The following GRIK1 variants were observed in gnomAD, a reference collection of about 807,000 sequenced individuals.
The protein encoded by GRIK1 is glutamate receptor ionotropic, kainate 1.
A neutral mutation model predicts 105.7 loss-of-function variants in GRIK1; 69 were observed. The ratio of observed to expected loss-of-function variants is 0.65; its 90% CI spans 0.54 to 0.80. GRIK1 has a LOEUF of 0.80. Among genes scored for constraint, GRIK1 ranks in the 30% least tolerant of loss-of-function variants. GRIK1 has a pLI of 0.00. For missense variants in GRIK1, 1,109 were observed against 1,167.3 expected (o/e 0.95, Z 0.73); for synonymous variants, 438 against 431.3 (o/e 1.02, Z -0.19).
intron 1 of GRIK1, among the ~76,000 whole-genome samples, chr21:29,843,625 G>T (rs560801415): frequency 6.6e-6 from 1 of 152,134 alleles, no homozygotes; most frequent in Non-Finnish European, 1.5e-5. Flanking sequence ...TTAGAATTTT[G>T]GTTTCTGTTG....
intron 1 of GRIK1, among the ~76,000 whole-genome samples, chr21:29,757,769 C>A (rs945823320): frequency 9.2e-5 from 14 of 152,136 alleles, no homozygotes; most frequent in African/African-American, 3.1e-4. Flanking sequence ...GGAAGACAGT[C>A]CTATGTTTTT....
intron 9 of GRIK1, among the ~76,000 whole-genome samples, chr21:29,593,479 G>A (rs553119481): frequency 2.0e-5 from 3 of 152,184 alleles, no homozygotes; most frequent in Admixed American, 2.0e-4. Flanking sequence ...TTGCTTCTAG[G>A]AAATGTAACT....
intron 7 of GRIK1, among the ~76,000 whole-genome samples, chr21:29,637,834 C>T (rs867986758): frequency 6.6e-6 from 1 of 152,198 alleles, no homozygotes; most frequent in African/African-American, 2.4e-5. Flanking sequence ...TGTCTTTTCA[C>T]CTTTCTTGAA....
intron 16 of GRIK1, among the ~76,000 whole-genome samples, chr21:29,547,531 A>G (rs1037492624): frequency 6.6e-6 from 1 of 152,206 alleles, no homozygotes; most frequent in Non-Finnish European, 1.5e-5. Context: ...GGGAAGTAAA[A>G]TGACTTGCCC....
rs573131901 is a variant in GRIK1 at position 29,923,408 on chromosome 21, A to G, written c.118+15975T>C. On this transcript the variant is annotated intron_variant, in intron 1 of 17. Transcript: ENST00000327783. ...GTAATAATAAACATGAAGTAGAAGG[A>G]AGCTATCATTAACTCAATTTGTAGC... Among the ~76,000 whole-genome samples, 9 of 152,332 alleles carry G rather than the reference A, an allele frequency of 5.9e-5. No individual in the cohort carries two copies. In the East Asian group the frequency reaches 1.7e-3, roughly 29 times the overall value.
At chr21:29,574,849 G>A (rs572219010) in intron 14 of GRIK1, among the ~76,000 whole-genome samples, 12 of 151,008 alleles carry the variant, frequency 7.9e-5, no homozygotes, top group South Asian at 6.2e-4. Context: ...CATCACGCCC[G>A]GCTAATATTT....
At chr21:29,646,407 ACT>A (rs1444339198) in intron 6 of GRIK1, among the ~76,000 whole-genome samples, 3 of 151,608 alleles carry the variant, frequency 2.0e-5, no homozygotes, top group African/African-American at 7.3e-5. Context: ...TTCTGTGTGG[ACT>A]CTCTGTCACT....
chr21:29,796,672 G>A (rs971574764), intron 1 of GRIK1, among the ~76,000 whole-genome samples: 1 of 152,046 alleles, frequency 6.6e-6, no homozygotes, highest in African/African-American at 2.4e-5. Flanking sequence ...ATTTGGGATG[G>A]GTGAGGTAGC....
At chr21:29,563,104 C>T (rs894840253) in intron 14 of GRIK1, among the ~76,000 whole-genome samples, 3 of 151,978 alleles carry the variant, frequency 2.0e-5, no homozygotes, top group Admixed American at 6.6e-5. Flanking sequence ...TTAAGCTAAC[C>T]CCAGTTATCA....
intron 16 of GRIK1, among the ~76,000 whole-genome samples, chr21:29,543,440 C>T (rs893857928): frequency 6.6e-6 from 1 of 152,166 alleles, no homozygotes; most frequent in Admixed American, 6.5e-5. Context: ...TATGTGAAGG[C>T]AGGTGGAAGG....
At chr21:29,804,791 A>G (rs1244110025) in intron 1 of GRIK1, among the ~76,000 whole-genome samples, 2 of 152,170 alleles carry the variant, frequency 1.3e-5, no homozygotes, top group Non-Finnish European at 2.9e-5. Flanking sequence ...TATCTGTGGG[A>G]AGTTAGTTAT....
intron 1 of GRIK1, among the ~76,000 whole-genome samples, chr21:29,920,736 A>G (rs2071164098): frequency 6.6e-6 from 1 of 152,018 alleles, no homozygotes; most frequent in South Asian, 2.1e-4. Context: ...AGTGAAGTGC[A>G]TTTGCATACA....
At chr21:29,582,040 G>C (rs1254695638) in intron 12 of GRIK1, among the ~76,000 whole-genome samples, 2 of 152,210 alleles carry the variant, frequency 1.3e-5, no homozygotes, top group Non-Finnish European at 2.9e-5. Context: ...AGGAGTCTAA[G>C]TGGTGGTCTA....
intron 1 of GRIK1, among the ~76,000 whole-genome samples, chr21:29,789,946 C>A (rs1439663899): frequency 1.3e-5 from 2 of 152,200 alleles, no homozygotes; most frequent in Non-Finnish European, 2.9e-5. Flanking sequence ...TCAATGCTCA[C>A]AAATCAAATC....
chr21:29,722,479 C>T (rs937052284), intron 1 of GRIK1, among the ~76,000 whole-genome samples: 2 of 151,404 alleles, frequency 1.3e-5, no homozygotes, highest in African/African-American at 4.9e-5. Flanking sequence ...TGGTGTGAAC[C>T]CGGGAGGCAG....
At chr21:29,730,795 T>TA (rs1212037717) in intron 1 of GRIK1, among the ~76,000 whole-genome samples, 1 of 152,204 alleles carries the variant, frequency 6.6e-6, no homozygotes, top group Admixed American at 6.5e-5. Flanking sequence ...ACGGTATCTT[T>TA]AGCCTACACT....
At chr21:29,716,337 T>C (rs1372740122) in intron 1 of GRIK1, among the ~76,000 whole-genome samples, 1 of 152,180 alleles carries the variant, frequency 6.6e-6, no homozygotes, top group Non-Finnish European at 1.5e-5. Context: ...ACTTTGGGAC[T>C]GGATAACAGG....
At chr21:29,584,123 TA>T (rs2046412936) in intron 12 of GRIK1, among the ~76,000 whole-genome samples, 1 of 152,164 alleles carries the variant, frequency 6.6e-6, no homozygotes, top group Non-Finnish European at 1.5e-5. Context: ...CTTGAAGATA[TA>T]AAACAAGCTC....
chr21:29,709,952 G>A (rs566983613), intron 1 of GRIK1, among the ~76,000 whole-genome samples: 185 of 151,756 alleles, frequency 1.2e-3, no homozygotes, highest in Admixed American at 3.1e-3. Flanking sequence ...ATGAGAATGG[G>A]TCATCTTATT....
Sources: gnomAD v4.1 joint callset for allele counts (sites outside exome capture counted in the v4.1 genomes callset) on GRCh38, gnomAD v4.1.1 for gene constraint, MANE v1.5 for transcripts, NCBI Gene and HGNC (gene_info 2026-07-23, HGNC 2026-07-21) for gene names.